The following PRDM6 variants were observed in gnomAD, a reference collection of about 807,000 sequenced individuals.
PRDM6 encodes the protein putative histone-lysine N-methyltransferase PRDM6.
Under a neutral mutation model 60.8 loss-of-function variants are expected in PRDM6, and 25 were observed. The observed-to-expected ratio is 0.41, with a 90% CI of 0.30 to 0.57. PRDM6 has a LOEUF of 0.57. PRDM6 is among the 20% of genes least tolerant of loss of function. The pLI, the probability that PRDM6 is intolerant of heterozygous loss-of-function variation, is 0.27. For missense variants in PRDM6, 839 were observed against 821.3 expected (o/e 1.02, Z -0.26); for synonymous variants, 407 against 357.4 (o/e 1.14, Z -1.57).
In PRDM6 at chr5:123,188,969, A is replaced by G. The variant is rs1387069633; in HGVS notation, c.*1768A>G. The G allele has an allele frequency of 6.6e-6, 1 of 152,148 alleles. No individual in the cohort carries two copies. Among genetic ancestry groups the G allele is most frequent in the Non-Finnish European group, 1.5e-5 (1 of 68,036 alleles). 9.4% of individuals were successfully genotyped at this position (152,148 alleles called of 1,614,324 possible). A position where few individuals can be genotyped will look rare whatever the true frequency, so the allele number is the denominator to read the frequency against. ...ATCTCTAGAACCCTGGGCCATAAAGAAAAAAATGGCTAATTCTGACCTCTG... is the reference window on the plus strand; with the variant it reads ...ATCTCTAGAACCCTGGGCCATAAAGGAAAAAATGGCTAATTCTGACCTCTG... On this transcript the variant is annotated 3_prime_UTR_variant, in exon 8 of 8. Coordinates refer to ENST00000407847, the MANE Select transcript of PRDM6 (RefSeq NM_001136239.4).
At chr5:123,143,684 G>A (rs925564650) in intron 3 of PRDM6, among the ~76,000 whole-genome samples, 13 of 152,218 alleles carry the variant, frequency 8.5e-5, no homozygotes, top group African/African-American at 2.9e-4. Context: ...TGTGAAAGGA[G>A]CTTTATTAGC....
At chr5:123,174,349 G>A (rs1765959132) in intron 6 of PRDM6, among the ~76,000 whole-genome samples, 1 of 152,212 alleles carries the variant, frequency 6.6e-6, no homozygotes, top group Non-Finnish European at 1.5e-5. Context: ...CACTTACAGT[G>A]AAAAGGCTGG....
At chr5:123,164,184 T>C (rs1234669138) in intron 5 of PRDM6, among the ~76,000 whole-genome samples, 2 of 152,064 alleles carry the variant, frequency 1.3e-5, no homozygotes, top group Non-Finnish European at 2.9e-5. Flanking sequence ...AACCACAATA[T>C]CAAACACTGT....
chr5:123,119,556 C>G (rs959806826), intron 3 of PRDM6, among the ~76,000 whole-genome samples: 1 of 152,168 alleles, frequency 6.6e-6, no homozygotes, highest in Admixed American at 6.5e-5. Flanking sequence ...GCCCTGCCCC[C>G]TCTTGGAATT....
At chr5:123,104,147 A>G (rs1764160189) in intron 3 of PRDM6, among the ~76,000 whole-genome samples, 1 of 152,110 alleles carries the variant, frequency 6.6e-6, no homozygotes, top group Non-Finnish European at 1.5e-5. Flanking sequence ...TGTTAAGCAA[A>G]TGGTCTATTT....
rs6876814 is a variant in PRDM6 at position 123,158,838 on chromosome 5, T to G, written c.1029-676T>G. 6.8e-3 allele frequency among the ~76,000 whole-genome samples: 1,003 copies of G among 147,486 alleles called. 9 individuals carry two copies. Among genetic ancestry groups the G allele is most frequent in the African/African-American group, 0.023 (920 of 40,660 alleles). ...TCTCCTCATTTTTTTAATCTGTAGG[T>G]TTTTTTTTTACAGTACCAAAGCTAT... On this transcript the variant is annotated intron_variant, in intron 4 of 7. Transcript: ENST00000407847.
At position 123,099,600 on chromosome 5, in the gene PRDM6, C is replaced by T. The variant is rs1764049549; in HGVS notation, c.593-54C>T. On this transcript the variant is annotated intron_variant, in intron 2 of 7. Coordinates refer to ENST00000407847, the MANE Select transcript of PRDM6 (RefSeq NM_001136239.4). The surrounding 1 kb of genome is among the most constrained non-coding windows in gnomAD (Gnocchi z 4.0). Reference sequence around the variant, plus strand: ...GGAGTTTACTCAAAGATGGGCCGCTCGGGGCGGCCGGATTAACCCGCTCCC... The same window carrying T: ...GGAGTTTACTCAAAGATGGGCCGCTTGGGGCGGCCGGATTAACCCGCTCCC... The T allele has an allele frequency of 4.3e-6, 6 of 1,405,120 alleles. No homozygotes were observed. Among genetic ancestry groups the T allele is most frequent in the Middle Eastern group, 2.6e-4 (1 of 3,786 alleles). The allele number at this position is 1,405,120 out of a possible 1,614,324, so 87.0% of individuals were successfully genotyped here. A position where few individuals can be genotyped will look rare whatever the true frequency, so the allele number is the denominator to read the frequency against.
chr5:123,113,475 A>G (rs931174768), intron 3 of PRDM6, among the ~76,000 whole-genome samples: 1 of 152,170 alleles, frequency 6.6e-6, no homozygotes, highest in Non-Finnish European at 1.5e-5. Flanking sequence ...GGTAAAGACT[A>G]CTGTACTCAT....
At chr5:123,114,403 C>T (rs1435015660) in intron 3 of PRDM6, among the ~76,000 whole-genome samples, 1 of 152,166 alleles carries the variant, frequency 6.6e-6, no homozygotes, top group Non-Finnish European at 1.5e-5. Flanking sequence ...ATTTTAGAGT[C>T]ACATCTCCCA....
chr5:123,106,277 G>A (rs1764195781), intron 3 of PRDM6, among the ~76,000 whole-genome samples: 2 of 152,172 alleles, frequency 1.3e-5, no homozygotes, highest in Non-Finnish European at 2.9e-5. Context: ...GGGTTTCCAG[G>A]TAGACTCCAT....
chr5:123,122,537 G>A (rs1021186213), intron 3 of PRDM6, among the ~76,000 whole-genome samples: 11 of 152,014 alleles, frequency 7.2e-5, no homozygotes, highest in African/African-American at 2.2e-4. Context: ...ATCATTTCTC[G>A]TTATAGGTGT....
chr5:123,144,740 T>C lies in PRDM6; in HGVS notation c.901-11144T>C, dbSNP rs543106576. On this transcript the variant is annotated intron_variant, in intron 3 of 7. Coordinates refer to ENST00000407847, the MANE Select transcript of PRDM6 (RefSeq NM_001136239.4). ...GGACATTTTTAAAGGAAATGTTCAT[T>C]TTAACCATTTAGGCAAGGCATACTT... Among the ~76,000 whole-genome samples the C allele has an allele frequency of 8.9e-4, 135 of 152,302 alleles. 1 individual carries two copies. The highest frequency in any genetic ancestry group is 1.3e-4 in the Non-Finnish European group (9 of 68,024).
At chr5:123,151,128 T>G (rs895194307) in intron 3 of PRDM6, among the ~76,000 whole-genome samples, 3 of 152,178 alleles carry the variant, frequency 2.0e-5, no homozygotes, top group Non-Finnish European at 4.4e-5. Flanking sequence ...GCATAAAATA[T>G]GCTTCCTCAC....
At chr5:123,101,491 C>T (rs909895715) in intron 3 of PRDM6, among the ~76,000 whole-genome samples, 3 of 152,204 alleles carry the variant, frequency 2.0e-5, no homozygotes, top group Admixed American at 2.0e-4. Flanking sequence ...TTATAAAACA[C>T]TTTTAGGTAC....
intron 3 of PRDM6, among the ~76,000 whole-genome samples, chr5:123,155,038 G>A (rs1397620069): frequency 6.6e-6 from 1 of 152,138 alleles, no homozygotes; most frequent in East Asian, 1.9e-4. Context: ...TGCCTCTGCT[G>A]TTGGCACTGA....
intron 2 of PRDM6, among the ~76,000 whole-genome samples, chr5:123,098,673 C>T (rs917153806): frequency 6.6e-6 from 1 of 152,224 alleles, no homozygotes; most frequent in Admixed American, 6.5e-5. Flanking sequence ...CATTGTATAG[C>T]ACAACAGAAT....
chr5:123,096,396 T>G (rs1763960263), intron 2 of PRDM6, among the ~76,000 whole-genome samples: 1 of 152,222 alleles, frequency 6.6e-6, no homozygotes, highest in Non-Finnish European at 1.5e-5. Context: ...AATGTTTGTC[T>G]TCTTAAGCAT....
intron 7 of PRDM6, among the ~76,000 whole-genome samples, chr5:123,184,113 T>TA (rs1395128938): frequency 1.3e-5 from 2 of 152,134 alleles, no homozygotes; most frequent in Non-Finnish European, 2.9e-5. Context: ...AATCAGTAAA[T>TA]ATGCATTGAA....
At chr5:123,124,627 A>G (rs1202669536) in intron 3 of PRDM6, among the ~76,000 whole-genome samples, 1 of 152,214 alleles carries the variant, frequency 6.6e-6, no homozygotes, top group Non-Finnish European at 1.5e-5. Flanking sequence ...TAGGTGGGAC[A>G]GGGATCAGGG....
Sources: gnomAD v4.1 joint callset for allele counts (sites outside exome capture counted in the v4.1 genomes callset) on GRCh38, gnomAD v4.1.1 for gene constraint, Gnocchi (gnomAD v3.1) non-coding constraint, MANE v1.5 for transcripts, NCBI Gene and HGNC (gene_info 2026-07-23, HGNC 2026-07-21) for gene names.